SPTLC1: variants seen among roughly 807,000 people sequenced by gnomAD.
SPTLC1 encodes serine palmitoyltransferase 1.
SPTLC1 carries 55 observed loss-of-function variants against 68.9 expected under a neutral mutation model. The ratio of observed to expected loss-of-function variants is 0.80; its 90% CI spans 0.64 to 1.00. The LOEUF (loss-of-function observed/expected upper bound fraction) is 1.00. Among genes scored for constraint, SPTLC1 ranks in the 50% least tolerant of loss-of-function variants. SPTLC1 has a pLI of 0.00. For synonymous variants in SPTLC1, 197 were observed against 201.6 expected (o/e 0.98, Z 0.19); for missense variants, 449 against 573.1 (o/e 0.78, Z 2.21).
intron 5 of SPTLC1, among the ~76,000 whole-genome samples, chr9:92,072,509 G>A (rs2118630186): frequency 6.6e-6 from 1 of 152,176 alleles, no homozygotes; most frequent in South Asian, 2.1e-4. Flanking sequence ...GGATGCTAGT[G>A]GTTGCTCTTT....
chr9:92,031,961 C>T lies in SPTLC1; in HGVS notation c.*504G>A, dbSNP rs1174313271. 3.9e-5 allele frequency: 10 copies of T among 256,284 alleles called. No individual in the cohort carries two copies. The highest frequency in any genetic ancestry group is 2.2e-4 in the South Asian group (2 of 9,064). The allele number at this position is 256,284 out of a possible 1,614,324, so 15.9% of individuals were successfully genotyped here. A position where few individuals can be genotyped will look rare whatever the true frequency, so the allele number is the denominator to read the frequency against. ...TTAGCCACCATTTAGCTTCACACAA[C>T]GAAGACTGGAAAATACGTGGTTTAT... On this transcript the variant is annotated 3_prime_UTR_variant, in exon 15 of 15. Transcript: ENST00000262554.
intron 3 of SPTLC1, among the ~76,000 whole-genome samples, chr9:92,100,427 C>G (rs777775201): frequency 9.9e-5 from 15 of 152,226 alleles, no homozygotes; most frequent in Non-Finnish European, 2.1e-4. Context: ...ACAGCCTTCT[C>G]CAGGAAAGCA....
chr9:92,108,510 C>T (rs1836090136), intron 3 of SPTLC1: 2 of 497,936 alleles, frequency 4.0e-6, no homozygotes, highest in Non-Finnish European at 7.4e-6. Context: ...AACATGTGTG[C>T]ATTCTTGGAA....
At chr9:92,071,440 T>C (rs112348319) in intron 5 of SPTLC1, among the ~76,000 whole-genome samples, 2,063 of 152,248 alleles carry the variant, frequency 0.014, 56 homozygotes, top group African/African-American at 0.046. Flanking sequence ...CCTAGAGACA[T>C]GCACAATTTT....
intron 3 of SPTLC1, among the ~76,000 whole-genome samples, chr9:92,083,632 T>C (rs1175778703): frequency 6.6e-6 from 1 of 152,218 alleles, no homozygotes; most frequent in Admixed American, 6.5e-5. Flanking sequence ...CATGCTGTTT[T>C]GGTTACTGTA....
chr9:92,093,488 TGAG>T (rs577594138), intron 3 of SPTLC1, among the ~76,000 whole-genome samples: 43 of 152,284 alleles, frequency 2.8e-4, no homozygotes, highest in South Asian at 1.2e-3. Flanking sequence ...CACACACGTC[TGAG>T]AAGAGTCACA....
At chr9:92,088,114 G>C (rs1835225028) in intron 3 of SPTLC1, among the ~76,000 whole-genome samples, 1 of 152,242 alleles carries the variant, frequency 6.6e-6, no homozygotes, top group African/African-American at 2.4e-5. Flanking sequence ...GCAGTATTAG[G>C]GTGGGAGTGA....
At chr9:92,079,987 GT>G (rs1296176050) in intron 5 of SPTLC1, 28 bp downstream of exon 5, 4 of 1,581,358 alleles carry the variant, frequency 2.5e-6, no homozygotes, top group Non-Finnish European at 3.5e-6. Context: ...GAAAGCAGTA[GT>G]CTCAAAGAGA....
In SPTLC1 at chr9:92,079,972, C is replaced by T. The variant is rs752598429; in HGVS notation, c.427+44G>A. ...TGCCCAGCCTAAAATTGAATCTTAA[C>T]TATTGAAAGCAGTAGTCTCAAAGAG... On this transcript the variant is annotated intron_variant, in intron 5 of 14. Coordinates refer to ENST00000262554, the MANE Select transcript of SPTLC1 (RefSeq NM_006415.4). The T allele has an allele frequency of 7.2e-6, 11 of 1,518,408 alleles. No homozygotes were observed. The South Asian group carries it at 1.2e-4, about 17-fold the overall frequency. The allele number at this position is 1,518,408 out of a possible 1,614,324, so 94.1% of individuals were successfully genotyped here. A position where few individuals can be genotyped will look rare whatever the true frequency, so the allele number is the denominator to read the frequency against.
chr9:92,103,668 G>T (rs1161148350), intron 3 of SPTLC1, among the ~76,000 whole-genome samples: 1 of 152,240 alleles, frequency 6.6e-6, no homozygotes, highest in Non-Finnish European at 1.5e-5. Flanking sequence ...AAGCAAGGCT[G>T]GTGGCCCTTG....
intron 3 of SPTLC1, among the ~76,000 whole-genome samples, chr9:92,086,738 A>G (rs550034252): frequency 0.049 from 7,440 of 151,616 alleles, 416 homozygotes; most frequent in East Asian, 0.26. Flanking sequence ...TGCTCTTCTC[A>G]AGGAGTATCT....
At chr9:92,100,804 TCA>T (rs957249981) in intron 3 of SPTLC1, among the ~76,000 whole-genome samples, 52 of 146,734 alleles carry the variant, frequency 3.5e-4, no homozygotes, top group African/African-American at 1.2e-3. Flanking sequence ...ACCAAGACAC[TCA>T]CAGGTATCAC....
intron 5 of SPTLC1, chr9:92,079,099 A>G: frequency 2.5e-6 from 2 of 793,786 alleles, no homozygotes; most frequent in South Asian, 5.7e-5. Flanking sequence ...TATTTTTGAG[A>G]CAGTCTTGCT....
At chr9:92,035,021 A>T in intron 13 of SPTLC1, 138 bp from the exon 14 acceptor site, 1 of 776,036 alleles carries the variant, frequency 1.3e-6, no homozygotes. Context: ...TCACCAAAAT[A>T]CTACACCACC....
chr9:92,049,613 G>A (rs1430804025), intron 9 of SPTLC1, among the ~76,000 whole-genome samples: 1 of 152,134 alleles, frequency 6.6e-6, no homozygotes, highest in Non-Finnish European at 1.5e-5. Context: ...GAATACTTCT[G>A]AAAAGACCAC....
Position 92,080,060 on chromosome 9 carries a change from T to C in SPTLC1, c.383A>G (p.Tyr128Cys), listed in dbSNP as rs1348933099. Residue 128 changes from tyrosine to cysteine, a missense_variant, in exon 5 of 15, where the codon TAT becomes TGT. Around this residue, in one of 3 missense-constraint regions of SPTLC1, gnomAD observed 391 missense variants for 472.1 expected, o/e 0.83. Transcript: ENST00000262554. ...KAAALASLKK[Y>C]GVGTCGPRGF... Reference sequence around the variant, plus strand: ...TCTGGGTCCACAAGTCCCCACGCCATACTTCTTTAGAGATGCTAAAGCTGC... The same window carrying C: ...TCTGGGTCCACAAGTCCCCACGCCACACTTCTTTAGAGATGCTAAAGCTGC... 1.2e-6 allele frequency: 2 copies of C among 1,614,102 alleles called. No homozygotes were observed. Among genetic ancestry groups the C allele is most frequent in the Non-Finnish European group, 1.7e-6 (2 of 1,179,954 alleles).
At chr9:92,093,216 G>C (rs1835427758) in intron 3 of SPTLC1, among the ~76,000 whole-genome samples, 1 of 152,154 alleles carries the variant, frequency 6.6e-6, no homozygotes, top group South Asian at 2.1e-4. Context: ...AATGATCTTA[G>C]ATGCAGAAAT....
intron 12 of SPTLC1, among the ~76,000 whole-genome samples, chr9:92,043,787 A>G (rs1010151958): frequency 6.6e-6 from 1 of 152,140 alleles, no homozygotes; most frequent in South Asian, 2.1e-4. Flanking sequence ...TTTTCACACC[A>G]TGCAAAAGTA....
At chr9:92,100,626 T>C (rs12338124) in intron 3 of SPTLC1, among the ~76,000 whole-genome samples, 16,574 of 151,928 alleles carry the variant, frequency 0.11, 1,963 homozygotes, top group African/African-American at 0.3. Context: ...AATCCACAGC[T>C]AGGCGAGTGT....
Sources: allele counts gnomAD v4.1 joint callset (sites outside exome capture counted in the v4.1 genomes callset), GRCh38; gene constraint gnomAD v4.1.1; regional missense constraint gnomAD v4.1.1; transcripts MANE v1.5; gene names NCBI Gene and HGNC (gene_info 2026-07-23, HGNC 2026-07-21).